LGR6: variants seen among roughly 807,000 people sequenced by gnomAD.
LGR6 encodes the protein leucine rich repeat containing G protein-coupled receptor 6.
LGR6 carries 45 observed loss-of-function variants against 69.4 expected under a neutral mutation model. The ratio of observed to expected loss-of-function variants is 0.65; its 90% confidence interval spans 0.51 to 0.83. The LOEUF is 0.83. Among genes scored for constraint, LGR6 ranks in the 40% least tolerant of loss-of-function variants. The pLI is 0.00. For missense variants in LGR6, 1,108 were observed against 1,246.7 expected (o/e 0.89, Z 1.68); for synonymous variants, 538 against 555.0 (o/e 0.97, Z 0.43).
At chr1:202,300,609 A>C (rs1012672541) in intron 7 of LGR6, among the ~76,000 whole-genome samples, 2 of 151,850 alleles carry the variant, frequency 1.3e-5, no homozygotes, top group Non-Finnish European at 2.9e-5. Context: ...GCGGTGAGCC[A>C]AGATCGCATC....
intron 4 of LGR6, among the ~76,000 whole-genome samples, chr1:202,245,536 C>G (rs1210348105): frequency 6.6e-6 from 1 of 152,162 alleles, no homozygotes; most frequent in African/African-American, 2.4e-5. Flanking sequence ...TCCTGCTAGC[C>G]CTCTCTGGCT....
At position 202,318,383 on chromosome 1, in the gene LGR6, C is replaced by T. The variant is rs1377803822; in HGVS notation, c.2080C>T (p.Leu694=). 1.2e-6 allele frequency: 2 copies of T among 1,604,612 alleles called. No individual in the cohort carries two copies. Among genetic ancestry groups the T allele is most frequent in the Admixed American group, 1.7e-5 (1 of 59,406 alleles). Residue 694 remains leucine, a synonymous_variant, in exon 18 of 18, where the codon CTG becomes TTG. Coordinates refer to ENST00000367278, the MANE Select transcript of LGR6 (RefSeq NM_001017403.2). ...CGTTCGAGCAGGGGTCCTAGGCTGC[C>T]TGGCACTGGCAGGGCTGGCCGCCGC... The part of the protein sequence containing the change: ...GSVRAGVLGC[L]ALAGLAAALP...
intron 4 of LGR6, among the ~76,000 whole-genome samples, chr1:202,239,732 T>G (rs751213944): frequency 5.3e-5 from 8 of 152,150 alleles, no homozygotes; most frequent in Admixed American, 1.3e-4. Context: ...AGTGAGACTC[T>G]GGAGTCGGAT....
intron 1 of LGR6, among the ~76,000 whole-genome samples, chr1:202,224,803 G>A (rs1571839358): frequency 6.6e-6 from 1 of 152,216 alleles, no homozygotes; most frequent in East Asian, 1.9e-4. Flanking sequence ...CTGCCCCCGG[G>A]TTGGGGACCC....
chr1:202,238,293 G>A (rs1054614390), intron 4 of LGR6, among the ~76,000 whole-genome samples: 1 of 151,250 alleles, frequency 6.6e-6, no homozygotes, highest in African/African-American at 2.4e-5. Context: ...ATGGGGTTTT[G>A]GTTTTGCCAT....
intron 6 of LGR6, among the ~76,000 whole-genome samples, chr1:202,293,176 A>G (rs1271833446): frequency 6.6e-6 from 1 of 152,232 alleles, no homozygotes; most frequent in Non-Finnish European, 1.5e-5. Flanking sequence ...TAAGAAGTGT[A>G]TAGCAGTCCA....
chr1:202,284,056 T>A (rs552993691), intron 6 of LGR6, among the ~76,000 whole-genome samples: 31 of 152,266 alleles, frequency 2.0e-4, no homozygotes, highest in African/African-American at 7.5e-4. Context: ...ATCCAAGTCA[T>A]TTGGGCAGGG....
chr1:202,258,090 T>G (rs1179178351), intron 4 of LGR6, among the ~76,000 whole-genome samples: 1 of 152,102 alleles, frequency 6.6e-6, no homozygotes, highest in Admixed American at 6.5e-5. Context: ...TGGAATTGTT[T>G]TCTTAATTTC....
chr1:202,284,840 T>C (rs1456839857), intron 6 of LGR6, among the ~76,000 whole-genome samples: 1 of 152,200 alleles, frequency 6.6e-6, no homozygotes, highest in African/African-American at 2.4e-5. Flanking sequence ...GGGCCCAGGA[T>C]GGACCCCGGG....
chr1:202,247,518 C>T (rs951595556), intron 4 of LGR6, among the ~76,000 whole-genome samples: 6 of 152,144 alleles, frequency 3.9e-5, no homozygotes, highest in Non-Finnish European at 5.9e-5. Context: ...TTTGTACCCC[C>T]GCAGTCACTT....
chr1:202,213,771 G>C (rs2147918594), intron 1 of LGR6, among the ~76,000 whole-genome samples: 2 of 152,318 alleles, frequency 1.3e-5, no homozygotes, highest in South Asian at 4.1e-4. Context: ...GGCACAGAGA[G>C]GAAAGGAACT....
At chr1:202,300,828 G>C in intron 7 of LGR6, 21 bp from the exon 8 acceptor site, 1 of 1,588,864 alleles carries the variant, frequency 6.3e-7, no homozygotes, top group East Asian at 2.2e-5. Flanking sequence ...ATCCTCACTG[G>C]TTCCTGGTGT....
chr1:202,196,456 C>T (rs1313473962), intron 1 of LGR6, among the ~76,000 whole-genome samples: 1 of 152,156 alleles, frequency 6.6e-6, no homozygotes, highest in African/African-American at 2.4e-5. Context: ...TGTATCCCAG[C>T]CCTTGCTGAG....
chr1:202,212,863 T>C (rs1349831591), intron 1 of LGR6, among the ~76,000 whole-genome samples: 1 of 152,086 alleles, frequency 6.6e-6, no homozygotes, highest in Admixed American at 6.5e-5. Flanking sequence ...CCCAGCTCAT[T>C]TCCCCCCTTT....
intron 6 of LGR6, among the ~76,000 whole-genome samples, chr1:202,297,239 G>A (rs1667225267): frequency 6.6e-6 from 1 of 152,198 alleles, no homozygotes; most frequent in South Asian, 2.1e-4. Context: ...TCTATTCTGA[G>A]GGAGATGGTT....
At chr1:202,195,085 C>T (rs1431966027) in intron 1 of LGR6, among the ~76,000 whole-genome samples, 1 of 152,190 alleles carries the variant, frequency 6.6e-6, no homozygotes, top group African/African-American at 2.4e-5. Flanking sequence ...CCTGCACCCC[C>T]AGCCCCGCTC....
chr1:202,245,938 C>G (rs1057484815), intron 4 of LGR6, among the ~76,000 whole-genome samples: 1 of 151,666 alleles, frequency 6.6e-6, no homozygotes, highest in Non-Finnish European at 1.5e-5. Context: ...ATCCATGCAT[C>G]CATCCATCCA....
intron 4 of LGR6, among the ~76,000 whole-genome samples, chr1:202,238,519 G>A (rs1399604775): frequency 1.3e-5 from 2 of 149,490 alleles, no homozygotes; most frequent in African/African-American, 2.5e-5. Flanking sequence ...CGCCTCCTGG[G>A]TTCAAGAGAT....
rs377717970 is a variant in LGR6 at position 202,231,498 on chromosome 1, T to G, written c.356+3491T>G. On this transcript the variant is annotated intron_variant, in intron 3 of 17. Transcript: ENST00000367278. ...TGGATCTAGCTCTGTGGATCTCATG[T>G]GCAGTCAGAAGCCTTGAGGTCAGAC... Among the ~76,000 whole-genome samples the G allele has an allele frequency of 7.2e-5, 11 of 152,334 alleles. No homozygotes were observed. The East Asian group carries it at 1.7e-3, about 24-fold the overall frequency.
Sources: allele counts gnomAD v4.1 joint callset (sites outside exome capture counted in the v4.1 genomes callset), GRCh38; gene constraint gnomAD v4.1.1; transcripts MANE v1.5; gene names NCBI Gene and HGNC (gene_info 2026-07-23, HGNC 2026-07-21).